The following HMG20B variants were observed in gnomAD, a reference collection of about 807,000 sequenced individuals.
The protein encoded by HMG20B is SWI/SNF-related matrix-associated actin-dependent regulator of chromatin subfamily E member 1-related.
Under a neutral mutation model 41.6 loss-of-function variants are expected in HMG20B, and 24 were observed. The ratio of observed to expected loss-of-function variants is 0.58; its 90% confidence interval spans 0.42 to 0.81. HMG20B has a LOEUF of 0.81. Among genes scored for constraint, HMG20B ranks in the 30% least tolerant of loss-of-function variants. HMG20B has a pLI of 0.00. For synonymous variants in HMG20B, 251 were observed against 186.6 expected (o/e 1.34, Z -2.81); for missense variants, 461 against 444.0 (o/e 1.04, Z -0.34).
rs1262679981 is a variant in HMG20B, at chr19:3,575,595, C to T, written c.407C>T (p.Ala136Val). Residue 136 changes from alanine to valine, a missense_variant, in exon 5 of 10, where the codon GCG becomes GTG. Ala to Val is a moderately conservative substitution (Grantham distance 64). Coordinates refer to ENST00000333651, the MANE Select transcript of HMG20B (RefSeq NM_006339.3). ...CAGCAGTACATGAAGGAGCTGCGGGCGTACCAGCAGTCTGAAGCCTATAAG... is the reference window on the plus strand; with the variant it reads ...CAGCAGTACATGAAGGAGCTGCGGGTGTACCAGCAGTCTGAAGCCTATAAG... ...EKQQYMKELR[A>V]YQQSEAYKMC... 8 of 1,554,934 alleles carry T rather than the reference C, an allele frequency of 5.1e-6. No homozygotes were observed. The highest frequency in any genetic ancestry group is 1.2e-5 in the South Asian group (1 of 84,190).
rs1293134424 is a variant in HMG20B, at chr19:3,574,443, C to T, written c.208C>T (p.Pro70Ser). ...GCGGAAGAAGATTCTGCCGAATGGG[C>T]CCAAGGCACCGGTCACGGGCTACGT... ...KKRKKILPNG[P>S]KAPVTGYVRF... is the part of the protein sequence containing the mutation. The change falls in exon 4 of 10, where the codon CCC becomes TCC. Residue 70 changes from proline (P) to serine (S), a missense_variant. Around this residue, in one of 3 missense-constraint regions of HMG20B, gnomAD observed 49 missense variants for 84.1 expected, o/e 0.58. Coordinates refer to ENST00000333651, the MANE Select transcript of HMG20B (RefSeq NM_006339.3). The T allele has an allele frequency of 2.5e-6, 4 of 1,608,688 alleles. No homozygotes were observed. Among genetic ancestry groups the T allele is most frequent in the South Asian group, 2.2e-5 (2 of 90,312 alleles).
Position 3,576,636 on chromosome 19 carries a change from A to G in HMG20B, c.592+11A>G, listed in dbSNP as rs755127322. On this transcript the variant is annotated intron_variant, in intron 7 of 9. Coordinates refer to ENST00000333651, the MANE Select transcript of HMG20B (RefSeq NM_006339.3). ...TGGACCAAAACAAAGGTGAGCGGTA[A>G]CTGCGCTCCTGATGCGAACTCCGTG... The G allele has an allele frequency of 6.2e-7, 1 of 1,607,938 alleles. No homozygotes were observed. The highest frequency in any genetic ancestry group is 8.5e-7 in the Non-Finnish European group (1 of 1,175,320).
intron 6 of HMG20B, 52 bp from the exon 7 acceptor site, chr19:3,576,501 G>A (rs1599856073): frequency 5.9e-6 from 9 of 1,526,790 alleles, no homozygotes; most frequent in East Asian, 2.3e-5. Flanking sequence ...CACCCAGAGA[G>A]CGTGGCTGCC....
intron 8 of HMG20B, among the ~76,000 whole-genome samples, chr19:3,577,370 G>T (rs979192110): frequency 1.5e-5 from 2 of 136,032 alleles, no homozygotes; most frequent in African/African-American, 5.5e-5. Context: ...CCCGTTACTC[G>T]GCCGGCTCCC....
chr19:3,578,253 G>A (rs1364395529), intron 9 of HMG20B, 140 bp downstream of exon 9: 2 of 1,284,922 alleles, frequency 1.6e-6, no homozygotes, highest in Admixed American at 4.9e-5. Flanking sequence ...CCTACCTGCG[G>A]TCGCCCCTGA....
intron 5 of HMG20B, 176 bp downstream of exon 5, chr19:3,575,836 C>T (rs538797670): frequency 1.8e-6 from 1 of 544,564 alleles, no homozygotes; most frequent in African/African-American, 1.9e-5. Flanking sequence ...CCCAGCTACT[C>T]GGGAGGCTGA....
In HMG20B at chr19:3,576,621, C is replaced by T; in HGVS notation, c.588C>T (p.Asn196=). Residue 196 remains asparagine, a synonymous_variant, in exon 7 of 10, where the codon AAC becomes AAT. Coordinates refer to ENST00000333651, the MANE Select transcript of HMG20B (RefSeq NM_006339.3). ...PIFTEEFLDQ[N]KAREAELRRL... is the part of the protein sequence containing the mutation. ...TCACTGAAGAGTTCTTGGACCAAAA[C>T]AAAGGTGAGCGGTAACTGCGCTCCT... The T allele has an allele frequency of 1.2e-6, 2 of 1,612,760 alleles. No individual in the cohort carries two copies. Among genetic ancestry groups the T allele is most frequent in the South Asian group, 1.1e-5 (1 of 90,868 alleles).
At position 3,577,017 on chromosome 19, in the gene HMG20B, C is replaced by T; in HGVS notation, c.718C>T (p.Leu240=). 2 of 1,555,034 alleles carry T rather than the reference C, an allele frequency of 1.3e-6. No homozygotes were observed. The highest frequency in any genetic ancestry group is 1.7e-6 in the Non-Finnish European group (2 of 1,150,578). The change falls in exon 8 of 10, where the codon CTG becomes TTG. Residue 240 remains leucine (L), a synonymous_variant. Coordinates refer to ENST00000333651, the MANE Select transcript of HMG20B (RefSeq NM_006339.3). ...CGAGCGTCTGGAGCAGGAGCTGGCG[C>T]TGGAGGAGCGGAGGACGCTGGCGCT... ...ARERLEQELA[L]EERRTLALQQ...
intron 5 of HMG20B, 24 bp downstream of exon 5, chr19:3,575,684 C>T (rs777053290): frequency 6.5e-6 from 10 of 1,542,416 alleles, no homozygotes; most frequent in Admixed American, 2.0e-5. Context: ...GGCGCGGTGG[C>T]TCACGCCTGT....
rs773717359 is a variant in HMG20B, at chr19:3,574,370, C to A, written c.148-13C>A. On this transcript the variant is annotated splice_polypyrimidine_tract_variant and intron_variant, in intron 3 of 9. Coordinates refer to ENST00000333651, the MANE Select transcript of HMG20B (RefSeq NM_006339.3). ...CCAGGCCCCCCTCCCAACGACGCAG[C>A]CCGGTTCTGCAGCCGGTGAAGAAAC... The A allele has an allele frequency of 1.9e-6, 3 of 1,570,280 alleles. No individual in the cohort carries two copies. The highest frequency in any genetic ancestry group is 2.6e-6 in the Non-Finnish European group (3 of 1,158,578).
chr19:3,578,426 C>T, intron 9 of HMG20B, 83 bp from the exon 10 acceptor site: 2 of 1,448,040 alleles, frequency 1.4e-6, no homozygotes, highest in South Asian at 1.5e-5. Context: ...GCTGATGGGC[C>T]ATGGTCTCTG....
chr19:3,575,855 A>G, intron 5 of HMG20B, 195 bp downstream of exon 5: 1 of 527,096 alleles, frequency 1.9e-6, no homozygotes, highest in Non-Finnish European at 3.4e-6. Context: ...GAGGCAGGAG[A>G]ATTGCTTGAA....
In HMG20B at chr19:3,576,957, C is replaced by G; in HGVS notation, c.658C>G (p.Leu220Val). The G allele has an allele frequency of 6.3e-7, 1 of 1,581,938 alleles. No homozygotes were observed. Among genetic ancestry groups the G allele is most frequent in the Non-Finnish European group, 8.6e-7 (1 of 1,165,564 alleles). ...NVAFEEQNAV[L>V]QRHTQSMSSA... ...GGCCTTCGAGGAGCAGAACGCGGTACTGCAGAGGCACACGCAGAGCATGAG... is the reference window on the plus strand; with the variant it reads ...GGCCTTCGAGGAGCAGAACGCGGTAGTGCAGAGGCACACGCAGAGCATGAG... The change falls in exon 8 of 10, where the codon CTG becomes GTG. Residue 220 changes from leucine (L) to valine (V), a missense_variant. By Grantham distance (32) the Leu-to-Val change is conservative. Transcript: ENST00000333651.
intron 5 of HMG20B, 72 bp from the exon 6 acceptor site, chr19:3,576,189 G>C: frequency 7.1e-7 from 1 of 1,403,084 alleles, no homozygotes; most frequent in Admixed American, 1.7e-5. Context: ...GCTGAGCAGC[G>C]CTGACCTAGG....
At chr19:3,577,336 C>T (rs1324089472) in intron 8 of HMG20B, among the ~76,000 whole-genome samples, 1 of 145,540 alleles carries the variant, frequency 6.9e-6, no homozygotes, top group African/African-American at 2.5e-5. Flanking sequence ...TCTTCCCAGA[C>T]CACACCCGAG....
intron 6 of HMG20B, 73 bp downstream of exon 6, chr19:3,576,380 C>A: frequency 2.7e-6 from 4 of 1,498,350 alleles, no homozygotes; most frequent in South Asian, 2.3e-5. Flanking sequence ...TGAGTCAGAG[C>A]CAGTGCTCGC....
Position 3,573,755 on chromosome 19 carries a change from C to G in HMG20B, c.102C>G (p.Arg34=). ...TCGTGGTGACTGTCAAGCAAGAGCG[C>G]GGCGAGGGTCCACGCGCGGGCGAGA... is the stretch of plus-strand genomic sequence containing the variant. ...GGFVVTVKQE[R]GEGPRAGEKG... Residue 34 remains arginine (R), a synonymous_variant, in exon 3 of 10, where the codon CGC becomes CGG. Coordinates refer to ENST00000333651, the MANE Select transcript of HMG20B (RefSeq NM_006339.3). 1 of 1,554,076 alleles carries G rather than the reference C, an allele frequency of 6.4e-7. No homozygotes were observed. The highest frequency in any genetic ancestry group is 8.7e-7 in the Non-Finnish European group (1 of 1,154,314).
rs769825871 is a variant in HMG20B at position 3,578,096 on chromosome 19, C to T, written c.924C>T (p.Ile308=). 7 of 1,611,324 alleles carry T rather than the reference C, an allele frequency of 4.3e-6. No individual in the cohort carries two copies. The highest frequency in any genetic ancestry group is 1.7e-4 in the Middle Eastern group (1 of 6,058). ...HEKLIVRIKE[I]LAQVASEHL is the part of the protein sequence containing the mutation. The stretch of plus-strand genomic sequence containing the variant: ...AGCTCATCGTCCGCATCAAGGAAAT[C>T]CTGGCCCAGGTCGCCAGGTGTGTGC... Residue 308 remains isoleucine, a synonymous_variant, in exon 9 of 10, where the codon ATC becomes ATT. Coordinates refer to ENST00000333651, the MANE Select transcript of HMG20B (RefSeq NM_006339.3).
At chr19:3,575,191 C>G (rs1035382821) in intron 4 of HMG20B, among the ~76,000 whole-genome samples, 1 of 152,184 alleles carries the variant, frequency 6.6e-6, no homozygotes, top group Non-Finnish European at 1.5e-5. Context: ...GTAACAAAAG[C>G]CATCACTGCT....
Sources: allele counts gnomAD v4.1 joint callset (sites outside exome capture counted in the v4.1 genomes callset), GRCh38; gene constraint gnomAD v4.1.1; regional missense constraint gnomAD v4.1.1; transcripts MANE v1.5; gene names NCBI Gene and HGNC (gene_info 2026-07-23, HGNC 2026-07-21).